Variants in LRP1B observed in about 807,000 individuals in gnomAD.
LRP1B encodes low-density lipoprotein receptor-related protein 1B.
LRP1B carries 217 observed loss-of-function variants against 556.6 expected under a neutral mutation model. The observed-to-expected ratio is 0.39, with a 90% CI of 0.35 to 0.44. The LOEUF is 0.44. Among genes scored for constraint, LRP1B ranks in the 20% least tolerant of loss-of-function variants. The pLI is 1.00. For missense variants in LRP1B, 5,053 were observed against 5,620.8 expected (o/e 0.90, Z 3.23); for synonymous variants, 2,047 against 1,865.8 (o/e 1.10, Z -2.50).
At chr2:141,430,877 C>A (rs1296391316) in intron 3 of LRP1B, among the ~76,000 whole-genome samples, 2 of 151,950 alleles carry the variant, frequency 1.3e-5, no homozygotes, top group Non-Finnish European at 2.9e-5. Flanking sequence ...TGCCTGTAAT[C>A]CCAGCACTTT....
intron 2 of LRP1B, among the ~76,000 whole-genome samples, chr2:141,774,413 G>A (rs549395216): frequency 1.3e-5 from 2 of 152,080 alleles, no homozygotes; most frequent in African/African-American, 4.8e-5. Flanking sequence ...CTTTTAAATG[G>A]CCAGATCTTG....
At chr2:141,267,974 C>T (rs772920116) in intron 3 of LRP1B, among the ~76,000 whole-genome samples, 6 of 152,066 alleles carry the variant, frequency 3.9e-5, no homozygotes, top group African/African-American at 1.4e-4. Flanking sequence ...ATTAGAAGTA[C>T]TTGTGACTAA....
At chr2:141,646,940 G>A (rs901720187) in intron 2 of LRP1B, among the ~76,000 whole-genome samples, 8 of 152,114 alleles carry the variant, frequency 5.3e-5, no homozygotes, top group African/African-American at 1.7e-4. Context: ...AGTGGGTATA[G>A]AGAGAAGAGC....
At chr2:141,233,245 C>T (rs75948636) in intron 5 of LRP1B, among the ~76,000 whole-genome samples, 1 of 152,304 alleles carries the variant, frequency 6.6e-6, no homozygotes, top group African/African-American at 2.4e-5. Context: ...CAAACAAGCA[C>T]ACAGGTGACA....
chr2:140,658,263 A>G (rs1391852406), intron 41 of LRP1B, among the ~76,000 whole-genome samples: 1 of 152,076 alleles, frequency 6.6e-6, no homozygotes, highest in Admixed American at 6.6e-5. Flanking sequence ...CACATTGATA[A>G]TATAAAAACA....
intron 2 of LRP1B, among the ~76,000 whole-genome samples, chr2:141,598,138 A>G (rs1559166292): frequency 2.0e-5 from 3 of 151,994 alleles, no homozygotes; most frequent in Non-Finnish European, 2.9e-5. Context: ...CACTAATCCT[A>G]GAACCTAACT....
chr2:141,557,575 T>A (rs1300038794), intron 2 of LRP1B, among the ~76,000 whole-genome samples: 2 of 151,888 alleles, frequency 1.3e-5, no homozygotes, highest in Non-Finnish European at 2.9e-5. Flanking sequence ...GAAAAGAAGA[T>A]CCATGTCCTT....
intron 2 of LRP1B, among the ~76,000 whole-genome samples, chr2:141,639,151 A>T (rs1243813775): frequency 7.4e-6 from 1 of 135,190 alleles, no homozygotes; most frequent in Non-Finnish European, 1.6e-5. Context: ...AAAGTTACCA[A>T]ATAGTTCACC....
intron 1 of LRP1B, among the ~76,000 whole-genome samples, chr2:142,075,524 C>T (rs1315910199): frequency 6.6e-6 from 1 of 152,084 alleles, no homozygotes; most frequent in Non-Finnish European, 1.5e-5. Context: ...CAATGACCCA[C>T]ACCACTCTTT....
At chr2:140,462,567 T>G (rs1687368266) in intron 60 of LRP1B, among the ~76,000 whole-genome samples, 1 of 152,176 alleles carries the variant, frequency 6.6e-6, no homozygotes, top group South Asian at 2.1e-4. Flanking sequence ...GAATAAATAT[T>G]CTGACTTCCT....
intron 85 of LRP1B, among the ~76,000 whole-genome samples, chr2:140,273,226 T>C (rs980101505): frequency 4.0e-5 from 6 of 151,896 alleles, no homozygotes; most frequent in Non-Finnish European, 2.9e-5. Context: ...TATCCTGATA[T>C]GGTGCACAAG....
At chr2:141,710,444 C>A (rs1692315917) in intron 2 of LRP1B, among the ~76,000 whole-genome samples, 1 of 151,914 alleles carries the variant, frequency 6.6e-6, no homozygotes, top group South Asian at 2.1e-4. Context: ...GAGCAGCTAC[C>A]CTGTGATTGT....
intron 21 of LRP1B, among the ~76,000 whole-genome samples, chr2:140,913,209 A>G (rs894943093): frequency 2.0e-5 from 3 of 151,890 alleles, no homozygotes; most frequent in Non-Finnish European, 4.4e-5. Context: ...CAATTTGACA[A>G]ATGTTTTTTG....
At chr2:140,761,161 G>A (rs1162797237) in intron 35 of LRP1B, among the ~76,000 whole-genome samples, 1 of 152,126 alleles carries the variant, frequency 6.6e-6, no homozygotes, top group Non-Finnish European at 1.5e-5. Flanking sequence ...TTAACTGGAG[G>A]CAAAATGAGG....
chr2:141,386,817 C>G (rs1365566974), intron 3 of LRP1B, among the ~76,000 whole-genome samples: 5 of 151,942 alleles, frequency 3.3e-5, no homozygotes, highest in Admixed American at 1.3e-4. Flanking sequence ...GTACATCTAA[C>G]AGGAGATCAA....
chr2:141,935,955 A>G (rs1365272624), intron 1 of LRP1B, among the ~76,000 whole-genome samples: 4 of 152,210 alleles, frequency 2.6e-5, no homozygotes, highest in African/African-American at 7.2e-5. Context: ...ACATTAACAC[A>G]CTAAAAGAAA....
chr2:140,793,545 G>A (rs1690195745), intron 32 of LRP1B, among the ~76,000 whole-genome samples: 1 of 151,912 alleles, frequency 6.6e-6, no homozygotes, highest in South Asian at 2.1e-4. Flanking sequence ...AAATATATAT[G>A]TGGGTGTAAA....
At chr2:140,853,299 C>A (rs1191830726) in intron 27 of LRP1B, among the ~76,000 whole-genome samples, 1 of 152,052 alleles carries the variant, frequency 6.6e-6, no homozygotes, top group African/African-American at 2.4e-5. Flanking sequence ...GCTAAGTTTC[C>A]CCAGTTTATT....
At chr2:141,802,824 C>A (rs1419084147) in intron 2 of LRP1B, among the ~76,000 whole-genome samples, 2 of 152,082 alleles carry the variant, frequency 1.3e-5, no homozygotes, top group African/African-American at 2.4e-5. Context: ...TCATCCACAA[C>A]CCCAAATGCT....
Sources: gnomAD v4.1 joint callset for allele counts (sites outside exome capture counted in the v4.1 genomes callset) on GRCh38, gnomAD v4.1.1 for gene constraint, MANE v1.5 for transcripts, NCBI Gene and HGNC (gene_info 2026-07-23, HGNC 2026-07-21) for gene names.